The following STK32B variants were observed in gnomAD, a reference collection of about 807,000 sequenced individuals.
STK32B encodes the protein serine/threonine-protein kinase 32B.
A neutral mutation model predicts 52.6 loss-of-function variants in STK32B; 43 were observed. The observed-to-expected ratio is 0.82, with a 90% CI of 0.64 to 1.05. The LOEUF (loss-of-function observed/expected upper bound fraction) is 1.05, where lower values mean the gene tolerates loss of function less well. STK32B is among the 50% of genes least tolerant of loss of function. The pLI is 0.00. For synonymous variants in STK32B, 238 were observed against 204.3 expected (o/e 1.17, Z -1.41); for missense variants, 621 against 534.6 (o/e 1.16, Z -1.59).
chr4:5,404,181 C>T (rs1236709403), intron 5 of STK32B, among the ~76,000 whole-genome samples: 1 of 152,052 alleles, frequency 6.6e-6, no homozygotes, highest in Non-Finnish European at 1.5e-5. Flanking sequence ...GCAACAGAAA[C>T]GTATTGTCTC....
At chr4:5,366,073 A>T (rs1350818540) in intron 4 of STK32B, among the ~76,000 whole-genome samples, 1 of 151,886 alleles carries the variant, frequency 6.6e-6, no homozygotes, top group Non-Finnish European at 1.5e-5. Flanking sequence ...CTTACAAAAG[A>T]AACTAGGCCA....
chr4:5,022,197 T>C, the STK32B span, among the ~76,000 whole-genome samples: 2 of 152,226 alleles, frequency 1.3e-5, no homozygotes, highest in East Asian at 1.9e-4. Flanking sequence ...TCTCCTTTAA[T>C]GACCATGCCC....
At chr4:5,269,979 G>A (rs1034359989) in intron 3 of STK32B, among the ~76,000 whole-genome samples, 1 of 152,150 alleles carries the variant, frequency 6.6e-6, no homozygotes, top group Non-Finnish European at 1.5e-5. Flanking sequence ...GTGTAATTCA[G>A]TATATATACA....
At chr4:5,366,542 C>T (rs1041810789) in intron 4 of STK32B, among the ~76,000 whole-genome samples, 1 of 152,114 alleles carries the variant, frequency 6.6e-6, no homozygotes, top group Non-Finnish European at 1.5e-5. Context: ...TTGGAGGTGC[C>T]AAGGCAACAC....
intron 11 of STK32B, among the ~76,000 whole-genome samples, chr4:5,481,943 T>C (rs1049498241): frequency 2.2e-4 from 34 of 152,308 alleles, no homozygotes; most frequent in African/African-American, 7.7e-4. Flanking sequence ...CATTGGTCTG[T>C]ATCTCTGTTT....
intron 11 of STK32B, among the ~76,000 whole-genome samples, chr4:5,487,542 G>C (rs1719331584): frequency 6.6e-6 from 1 of 152,182 alleles, no homozygotes; most frequent in Non-Finnish European, 1.5e-5. Context: ...ACGTGTTGTA[G>C]CCATTGAGTC....
chr4:5,316,216 T>C (rs1305114268), intron 3 of STK32B, among the ~76,000 whole-genome samples: 1 of 79,192 alleles, frequency 1.3e-5, no homozygotes, highest in Admixed American at 1.9e-4. Flanking sequence ...ATATATTACA[T>C]AATATATTAT....
chr4:5,068,377 G>A (rs1401638959), intron 1 of STK32B, among the ~76,000 whole-genome samples: 1 of 152,044 alleles, frequency 6.6e-6, no homozygotes, highest in Non-Finnish European at 1.5e-5. Context: ...TACAACATTT[G>A]GTTTTCCACT....
chr4:5,100,207 C>T (rs145189410), intron 1 of STK32B, among the ~76,000 whole-genome samples: 11 of 152,108 alleles, frequency 7.2e-5, no homozygotes, highest in East Asian at 3.9e-4. Context: ...CAGAGATGGA[C>T]GGGCTCTCGT....
At chr4:5,300,135 A>G (rs1237676424) in intron 3 of STK32B, among the ~76,000 whole-genome samples, 1 of 152,222 alleles carries the variant, frequency 6.6e-6, no homozygotes, top group Non-Finnish European at 1.5e-5. Flanking sequence ...ATGATATGCA[A>G]ATCAATAAAT....
At chr4:5,286,741 A>C (rs73087492) in intron 3 of STK32B, among the ~76,000 whole-genome samples, 22,497 of 151,238 alleles carry the variant, frequency 0.15, 4,952 homozygotes, top group African/African-American at 0.48. Context: ...GACCTTTACA[A>C]ATAATTTTGC....
At chr4:5,142,828 T>C (rs1204334492) in intron 2 of STK32B, among the ~76,000 whole-genome samples, 1 of 152,236 alleles carries the variant, frequency 6.6e-6, no homozygotes, top group Non-Finnish European at 1.5e-5. Flanking sequence ...ATGAGATTAA[T>C]GTTTAAATCA....
chr4:5,049,498 G>T (rs1001184257), upstream of STK32B, among the ~76,000 whole-genome samples: 6 of 152,168 alleles, frequency 3.9e-5, no homozygotes, highest in Admixed American at 3.9e-4. Context: ...TAGGATTTGG[G>T]TAGGTTATGG....
intron 4 of STK32B, among the ~76,000 whole-genome samples, chr4:5,362,562 A>G (rs1734617108): frequency 6.6e-6 from 1 of 152,196 alleles, no homozygotes; most frequent in African/African-American, 2.4e-5. Flanking sequence ...AAATGGGATG[A>G]TGGAACAGCC....
intron 8 of STK32B, among the ~76,000 whole-genome samples, chr4:5,457,217 T>TC (rs1033086545): frequency 8.1e-5 from 12 of 147,250 alleles, no homozygotes; most frequent in Middle Eastern, 3.2e-3. Flanking sequence ...TTTTTCTTTT[T>TC]TTTTTTTTTT....
At chr4:5,091,426 A>G (rs1172480613) in intron 1 of STK32B, among the ~76,000 whole-genome samples, 1 of 152,180 alleles carries the variant, frequency 6.6e-6, no homozygotes, top group Non-Finnish European at 1.5e-5. Flanking sequence ...ATTTGAATAA[A>G]TGTTTCTCAA....
At chr4:5,099,450 G>GTGCGCA (rs60872398) in intron 1 of STK32B, among the ~76,000 whole-genome samples, 3 of 91,296 alleles carry the variant, frequency 3.3e-5, no homozygotes, top group Non-Finnish European at 6.7e-5. Flanking sequence ...GTGTGTGTGT[G>GTGCGCA]CGCGCGCGCG....
At chr4:5,159,450 C>CTATA (rs149683714) in intron 2 of STK32B, among the ~76,000 whole-genome samples, 90 of 141,342 alleles carry the variant, frequency 6.4e-4, no homozygotes, top group Middle Eastern at 3.7e-3. Flanking sequence ...TGGGGTGTAA[C>CTATA]TATATATATA....
At chr4:5,495,566 T>G (rs1258941178) in intron 11 of STK32B, among the ~76,000 whole-genome samples, 1 of 152,238 alleles carries the variant, frequency 6.6e-6, no homozygotes, top group African/African-American at 2.4e-5. Context: ...GAAGCCTTCT[T>G]CTCTCAACTC....
Sources: gnomAD v4.1 joint callset for allele counts (sites outside exome capture counted in the v4.1 genomes callset) on GRCh38, gnomAD v4.1.1 for gene constraint, MANE v1.5 for transcripts, NCBI Gene and HGNC (gene_info 2026-07-23, HGNC 2026-07-21) for gene names.